Variants in ENO1 observed in about 807,000 individuals in gnomAD.
ENO1 encodes the protein enolase 1, also known as alpha-enolase.
Under a neutral mutation model 46.3 loss-of-function variants are expected in ENO1, and 33 were observed. The observed-to-expected ratio is 0.71, with a 90% confidence interval of 0.54 to 0.95. The LOEUF (loss-of-function observed/expected upper bound fraction) is 0.95, where lower values mean the gene tolerates loss of function less well. Ranked by LOEUF, ENO1 falls within the 40% of genes least tolerant of loss-of-function variation. The pLI, the probability that ENO1 is intolerant of heterozygous loss-of-function variation, is 0.00. For synonymous variants in ENO1, 220 were observed against 216.0 expected, an observed-to-expected ratio of 1.02 and a Z score of -0.16; for missense variants, 488 against 553.3, an observed-to-expected ratio of 0.88 and a Z score of 1.18.
chr1:8,872,726 T>C (rs1642659818), intron 2 of ENO1, among the ~76,000 whole-genome samples: 1 of 152,170 alleles, frequency 6.6e-6, no homozygotes. Flanking sequence ...GTAATTTAAC[T>C]GGCTCAGGAG....
At chr1:8,872,187 T>C (rs1210915816) in intron 2 of ENO1, among the ~76,000 whole-genome samples, 1 of 152,318 alleles carries the variant, frequency 6.6e-6, no homozygotes, top group East Asian at 1.9e-4. Context: ...ACTGCAAAGA[T>C]GACTAATTCC....
chr1:8,864,836 G>A (rs994231199), intron 8 of ENO1, among the ~76,000 whole-genome samples: 3 of 152,104 alleles, frequency 2.0e-5, no homozygotes, highest in South Asian at 2.1e-4. Context: ...GTGTGCTCTC[G>A]GGCAGATTAT....
intron 4 of ENO1, among the ~76,000 whole-genome samples, chr1:8,869,043 C>A (rs1642579187): frequency 6.6e-6 from 1 of 152,106 alleles, no homozygotes; most frequent in Non-Finnish European, 1.5e-5. Flanking sequence ...TTATTTTTAT[C>A]TATGATGTGC....
At position 8,866,516 on chromosome 1, in the gene ENO1, G is replaced by A. The variant is rs746374398; in HGVS notation, c.445-15C>T. On this transcript the variant is annotated splice_polypyrimidine_tract_variant and intron_variant, in intron 6 of 11. Coordinates refer to ENST00000234590, the MANE Select transcript of ENO1 (RefSeq NM_001428.5). ...ACATTGAACGCCTGGGGAGAGCAGA[G>A]CAGAGAAGCATGGCACTGGGTCCAG... The A allele has an allele frequency of 4.4e-5, 71 of 1,613,810 alleles. No individual in the cohort carries two copies. In the South Asian group the frequency reaches 7.5e-4, roughly 17 times the overall value.
At chr1:8,869,849 T>C (rs897547515) in intron 4 of ENO1, among the ~76,000 whole-genome samples, 10 of 152,178 alleles carry the variant, frequency 6.6e-5, no homozygotes, top group African/African-American at 2.2e-4. Context: ...TGTGAGCCAC[T>C]GCACCTGGCC....
chr1:8,865,015 G>A (rs1642480717), intron 8 of ENO1, among the ~76,000 whole-genome samples: 1 of 152,200 alleles, frequency 6.6e-6, no homozygotes. Context: ...GTCTAATGGA[G>A]CACAGACTGC....
rs368373202 is a variant in ENO1 at position 8,866,252 on chromosome 1, G to A, written c.667+27C>T. 2.5e-5 allele frequency: 40 copies of A among 1,600,606 alleles called. No individual in the cohort carries two copies. The Middle Eastern group carries it at 8.7e-4, about 35-fold the overall frequency. On this transcript the variant is annotated intron_variant, in intron 7 of 11. Coordinates refer to ENST00000234590, the MANE Select transcript of ENO1 (RefSeq NM_001428.5). ...GGGAGCTGGCGCTGCAGGGCTGGGTGGGGGGGCGGTTCCCTAGCGCCTTTA... is the reference window on the plus strand; with the variant it reads ...GGGAGCTGGCGCTGCAGGGCTGGGTAGGGGGGCGGTTCCCTAGCGCCTTTA...
chr1:8,866,724 C>G (rs1416832868), intron 6 of ENO1: 1 of 600,318 alleles, frequency 1.7e-6, no homozygotes, highest in African/African-American at 1.9e-5. Context: ...AGAGGCTGGT[C>G]TCAAACTCTT....
intron 7 of ENO1, chr1:8,866,006 A>G (rs1642504203): frequency 1.5e-5 from 6 of 388,818 alleles, no homozygotes; most frequent in Non-Finnish European, 2.8e-5. Context: ...ACTTGAGCCC[A>G]GGAGGCGGAA....
intron 1 of ENO1, among the ~76,000 whole-genome samples, chr1:8,875,307 GAAAA>G (rs80201810): frequency 8.7e-6 from 1 of 114,564 alleles, no homozygotes; most frequent in African/African-American, 3.1e-5. Context: ...TAAGAAAAAA[GAAAA>G]AAAAAAAAAG....
chr1:8,878,505 G>T (rs1642784728), intron 1 of ENO1, 75 bp downstream of exon 1: 5 of 412,838 alleles, frequency 1.2e-5, no homozygotes, highest in Middle Eastern at 4.1e-4. Flanking sequence ...GCCTCCCTCG[G>T]AGGGAAAAGA....
chr1:8,872,203 CAGAA>C (rs1236178982), intron 2 of ENO1, among the ~76,000 whole-genome samples: 3 of 152,162 alleles, frequency 2.0e-5, no homozygotes, highest in East Asian at 3.8e-4. Flanking sequence ...ATTCCTCTAG[CAGAA>C]AGAAAGTGTT....
chr1:8,862,455 C>T (rs1468028710), intron 11 of ENO1, among the ~76,000 whole-genome samples: 1 of 152,136 alleles, frequency 6.6e-6, no homozygotes, highest in African/African-American at 2.4e-5. Flanking sequence ...CCAGAACAGC[C>T]CCACAGCGCT....
At chr1:8,866,539 C>T (rs1487002502) in intron 6 of ENO1, 38 bp from the exon 7 acceptor site, 54 of 1,608,446 alleles carry the variant, frequency 3.4e-5, no homozygotes, top group Non-Finnish European at 4.5e-5. Flanking sequence ...GCACTGGGTC[C>T]AGAGAGCCCC....
intron 11 of ENO1, among the ~76,000 whole-genome samples, chr1:8,862,382 G>A (rs998256228): frequency 3.9e-5 from 6 of 152,144 alleles, no homozygotes; most frequent in South Asian, 2.1e-4. Context: ...GCGGGGTGGC[G>A]GGCGGGGGGA....
Position 8,863,286 on chromosome 1 carries a change from C to T in ENO1, c.1125G>A (p.Glu375=). Residue 375 remains glutamate (E), a synonymous_variant, in exon 10 of 12, where the codon GAG becomes GAA. Coordinates refer to ENST00000234590, the MANE Select transcript of ENO1 (RefSeq NM_001428.5). Reference sequence around the variant, plus strand: ...GGTCAGCGATGAAGGTATCTTCAGTCTCCCCCGAACGATGAGACACCATGA... The same window carrying T: ...GGTCAGCGATGAAGGTATCTTCAGTTTCCCCCGAACGATGAGACACCATGA... ...WGVMVSHRSG[E]TEDTFIADLV... The T allele has an allele frequency of 6.2e-7, 1 of 1,614,200 alleles. No individual in the cohort carries two copies. The highest frequency in any genetic ancestry group is 1.3e-5 in the African/African-American group (1 of 75,058).
intron 4 of ENO1, 167 bp downstream of exon 4, chr1:8,870,285 G>A (rs910197828): frequency 2.4e-5 from 19 of 776,990 alleles, no homozygotes; most frequent in African/African-American, 8.7e-5. Context: ...GTGAGGCAGC[G>A]GGCAGGTTAG....
intron 5 of ENO1, 86 bp downstream of exon 5, chr1:8,867,902 A>G (rs1642556738): frequency 8.3e-7 from 1 of 1,201,832 alleles, no homozygotes; most frequent in Non-Finnish European, 1.2e-6. Context: ...CATCACTAAG[A>G]TCATGGGCCT....
chr1:8,865,803 C>T (rs879692585), intron 7 of ENO1, among the ~76,000 whole-genome samples: 8 of 152,118 alleles, frequency 5.3e-5, no homozygotes, highest in South Asian at 2.1e-4. Context: ...ATCAGCTGTC[C>T]CAAGGCACAG....
Sources: allele counts gnomAD v4.1 joint callset (sites outside exome capture counted in the v4.1 genomes callset), GRCh38; gene constraint gnomAD v4.1.1; transcripts MANE v1.5; gene names NCBI Gene and HGNC (gene_info 2026-07-23, HGNC 2026-07-21).